The following BCR variants were observed in gnomAD, a reference collection of about 807,000 sequenced individuals.
The protein encoded by BCR is BCR activator of RhoGEF and GTPase.
A neutral mutation model predicts 138.6 loss-of-function variants in BCR; 58 were observed. The observed-to-expected ratio is 0.42, with a 90% CI of 0.34 to 0.52. BCR has a LOEUF of 0.52. Among genes scored for constraint, BCR ranks in the 20% least tolerant of loss-of-function variants. The probability of loss-of-function intolerance (pLI) is 0.06; values close to 1 mark genes in which losing one functional copy is unlikely to be tolerated. For synonymous variants in BCR, 786 were observed against 730.1 expected (o/e 1.08, Z -1.23); for missense variants, 1,599 against 1,727.2 (o/e 0.93, Z 1.32).
At chr22:23,273,178 C>A in intron 7 of BCR, 45 bp downstream of exon 7, 1 of 1,586,558 alleles carries the variant, frequency 6.3e-7, no homozygotes, top group South Asian at 1.1e-5. Context: ...ACTGCCCCCT[C>A]GGGCACACAC....
intron 1 of BCR, among the ~76,000 whole-genome samples, chr22:23,189,170 T>G (rs1214378493): frequency 6.6e-6 from 1 of 152,190 alleles, no homozygotes; most frequent in Non-Finnish European, 1.5e-5. Flanking sequence ...AAAATTTATA[T>G]TATAAGATGC....
chr22:23,239,381 G>C (rs534645353), intron 1 of BCR, among the ~76,000 whole-genome samples: 22 of 152,294 alleles, frequency 1.4e-4, no homozygotes, highest in African/African-American at 5.3e-4. Flanking sequence ...CTTCTGAGCA[G>C]GTGCCCGGCA....
At position 23,181,170 on chromosome 22, in the gene BCR, T is replaced by TGACCGGCAGCGATGGGGC. The variant is rs747859264; in HGVS notation, c.211_228dup (p.Asp71_Gly76dup). 9.3e-6 allele frequency: 13 copies of TGACCGGCAGCGATGGGGC among 1,396,106 alleles called. No individual in the cohort carries two copies. In the East Asian group the frequency reaches 2.1e-4, roughly 23 times the overall value. 86.5% of individuals were successfully genotyped at this position (1,396,106 alleles called of 1,614,324 possible). On this transcript the variant is annotated inframe_insertion, in exon 1 of 23. Coordinates refer to ENST00000305877, the MANE Select transcript of BCR (RefSeq NM_004327.4). ...TGCTGGCCAAGGAAAAGAAGAGCTATGACCGGCAGCGATGGGGCTTCCGGC... is the reference window on the plus strand; with the variant it reads ...TGCTGGCCAAGGAAAAGAAGAGCTATGACCGGCAGCGATGGGGCGACCGGCAGCGATGGGGCTTCCGGC...
At chr22:23,254,717 C>CCT (rs1233941086) in intron 2 of BCR, among the ~76,000 whole-genome samples, 4 of 152,370 alleles carry the variant, frequency 2.6e-5, no homozygotes, top group Non-Finnish European at 5.9e-5. Context: ...GATGCTCACC[C>CCT]CTTGCCATTG....
intron 6 of BCR, among the ~76,000 whole-genome samples, chr22:23,272,858 TC>T (rs2073525417): frequency 6.6e-6 from 1 of 152,092 alleles, no homozygotes; most frequent in Non-Finnish European, 1.5e-5. Context: ...CCATGCAGGC[TC>T]GGGTCTGACA....
chr22:23,314,911 C>T (rs2074051562), intron 22 of BCR, among the ~76,000 whole-genome samples, 197 bp downstream of exon 22: 1 of 152,228 alleles, frequency 6.6e-6, no homozygotes, highest in Middle Eastern at 3.2e-3. Flanking sequence ...CCTGCTAGTG[C>T]ACTTTGCTGG....
chr22:23,291,294 G>C (rs978959271), intron 14 of BCR, among the ~76,000 whole-genome samples: 2 of 151,946 alleles, frequency 1.3e-5, no homozygotes, highest in African/African-American at 4.8e-5. Flanking sequence ...GGTTGGGAGA[G>C]AGGACTAACT....
chr22:23,277,095 C>CAAG (rs2146292847), intron 8 of BCR, among the ~76,000 whole-genome samples: 2 of 152,364 alleles, frequency 1.3e-5, no homozygotes, highest in South Asian at 4.1e-4. Context: ...CAGGCTACTT[C>CAAG]CTCTTAGAAT....
chr22:23,216,948 G>C (rs955636506), intron 1 of BCR: 8 of 398,190 alleles, frequency 2.0e-5, no homozygotes, highest in African/African-American at 4.2e-5. Context: ...GATTCTGTTG[G>C]TACAGTGTGT....
At chr22:23,257,668 C>T (rs1482892304) in intron 2 of BCR, among the ~76,000 whole-genome samples, 1 of 152,196 alleles carries the variant, frequency 6.6e-6, no homozygotes, top group African/African-American at 2.4e-5. Flanking sequence ...CCAAAGACTC[C>T]ACCATTCATG....
At chr22:23,285,994 T>C (rs1342702093) in intron 10 of BCR, among the ~76,000 whole-genome samples, 2 of 152,198 alleles carry the variant, frequency 1.3e-5, no homozygotes, top group Non-Finnish European at 2.9e-5. Context: ...TGTTCAAGTG[T>C]GTGGTCTCCT....
At chr22:23,221,070 G>C (rs9612262) in intron 1 of BCR, among the ~76,000 whole-genome samples, 3,721 of 152,246 alleles carry the variant, frequency 0.024, 78 homozygotes, top group Middle Eastern at 0.037. Flanking sequence ...AGTACCTTCT[G>C]ATTACCTCCT....
chr22:23,293,415 C>T (rs1201253548), intron 15 of BCR, among the ~76,000 whole-genome samples: 4 of 152,110 alleles, frequency 2.6e-5, no homozygotes, highest in Admixed American at 6.5e-5. Context: ...ACCCAGGTCT[C>T]CTTTCTCAGC....
chr22:23,210,352 G>T (rs988662693), intron 1 of BCR, among the ~76,000 whole-genome samples: 4 of 151,918 alleles, frequency 2.6e-5, no homozygotes, highest in Admixed American at 6.6e-5. Context: ...GGGAGGTCGA[G>T]GTTGCGGTGA....
chr22:23,312,064 A>G (rs2074013973), intron 19 of BCR: 1 of 855,466 alleles, frequency 1.2e-6, no homozygotes, highest in African/African-American at 1.7e-5. Flanking sequence ...GGGGTAGGCC[A>G]GGGGTTTCTG....
At chr22:23,230,924 G>T (rs1353961594) in intron 1 of BCR, among the ~76,000 whole-genome samples, 1 of 152,188 alleles carries the variant, frequency 6.6e-6, no homozygotes, top group African/African-American at 2.4e-5. Flanking sequence ...TGGCCCCGGG[G>T]CCACAGGTGG....
chr22:23,229,196 G>A (rs1602039445), intron 1 of BCR, among the ~76,000 whole-genome samples: 1 of 151,942 alleles, frequency 6.6e-6, no homozygotes, highest in East Asian at 1.9e-4. Flanking sequence ...TTCCTATTTG[G>A]TTCTTTTTTA....
intron 1 of BCR, among the ~76,000 whole-genome samples, chr22:23,195,387 T>C (rs1056356157): frequency 8.9e-5 from 13 of 146,830 alleles, no homozygotes; most frequent in African/African-American, 2.8e-4. Flanking sequence ...GCCATTGCAC[T>C]TGAGCCTGGG....
intron 1 of BCR, among the ~76,000 whole-genome samples, chr22:23,238,290 T>C (rs117527332): frequency 6.6e-6 from 1 of 151,936 alleles, no homozygotes; most frequent in Non-Finnish European, 1.5e-5. Flanking sequence ...AATGGAAGAG[T>C]TCCTGGCCAC....
Sources: gnomAD v4.1 joint callset for allele counts (sites outside exome capture counted in the v4.1 genomes callset) on GRCh38, gnomAD v4.1.1 for gene constraint, MANE v1.5 for transcripts, NCBI Gene and HGNC (gene_info 2026-07-23, HGNC 2026-07-21) for gene names.